The following MYT1 variants were observed in gnomAD, a reference collection of about 807,000 sequenced individuals.
MYT1 encodes the protein myelin transcription factor I.
Under a neutral mutation model 123.0 loss-of-function variants are expected in MYT1, and 23 were observed. That is an observed-to-expected ratio of 0.19 (90% CI 0.13 to 0.26). The LOEUF (loss-of-function observed/expected upper bound fraction) is 0.26, where lower values mean the gene tolerates loss of function less well. MYT1 is among the 10% of genes least tolerant of loss of function. MYT1 has a pLI of 1.00. For missense variants in MYT1, 1,125 were observed against 1,472.5 expected (o/e 0.76, Z 3.86); for synonymous variants, 518 against 575.3 (o/e 0.90, Z 1.43).
rs2427614 is a variant in MYT1 at position 64,202,899 on chromosome 20, C to T, written c.87-2136C>T. ...GGCTCGGGAGTCCTGGAGCCCTGGC[C>T]GTCTTCCTCTCCCTACAACTCTGGC... is the stretch of plus-strand genomic sequence containing the variant. On this transcript the variant is annotated intron_variant, in intron 4 of 22. Transcript: ENST00000328439. This position sits in a 1 kb window ranked among gnomAD's most constrained non-coding sequence, Gnocchi z 5.0. Among the ~76,000 whole-genome samples the T allele has an allele frequency of 0.017, 2,615 of 152,278 alleles. 79 individuals carry two copies. Among genetic ancestry groups the T allele is most frequent in the African/African-American group, 0.06 (2,502 of 41,558 alleles).
Position 64,208,596 on chromosome 20 carries a change from G to A in MYT1, c.1291+109G>A. On this transcript the variant is annotated intron_variant, in intron 7 of 22. Transcript: ENST00000328439. This position sits in a 1 kb window ranked among gnomAD's most constrained non-coding sequence, Gnocchi z 5.4. ...TAGGACAGGGGGCTGGGGGATGGCAGAAAAGCAGACAAAAGGACAAATACA... is the reference window on the plus strand; with the variant it reads ...TAGGACAGGGGGCTGGGGGATGGCAAAAAAGCAGACAAAAGGACAAATACA... 6.9e-7 allele frequency: 1 copy of A among 1,450,866 alleles called. No individual in the cohort carries two copies. Among genetic ancestry groups the A allele is most frequent in the Non-Finnish European group, 9.1e-7 (1 of 1,101,728 alleles). The allele number at this position is 1,450,866 out of a possible 1,614,324, so 89.9% of individuals were successfully genotyped here.
At chr20:64,171,701 T>C (rs1982289745) in intron 1 of MYT1, among the ~76,000 whole-genome samples, 6 of 137,426 alleles carry the variant, frequency 4.4e-5, no homozygotes, top group African/African-American at 1.7e-4. Flanking sequence ...ACCCCTAACC[T>C]CTGGCATCTG....
In MYT1 at chr20:64,178,963, C is replaced by G. The variant is rs1170472563; in HGVS notation, c.-98-11100C>G. ...TGGGATACCCTTCAACGTGGGAGCA[C>G]TGAGCCGTTATTCGGTGAGATACCC... On this transcript the variant is annotated intron_variant, in intron 1 of 22. Coordinates refer to ENST00000328439, the MANE Select transcript of MYT1 (RefSeq NM_004535.3). Among the ~76,000 whole-genome samples the G allele has an allele frequency of 2.1e-5, 3 of 139,708 alleles. No homozygotes were observed. The East Asian group carries it at 7.0e-4, about 32-fold the overall frequency. 91.7% of individuals were successfully genotyped at this position (139,708 alleles called of 152,430 possible).
chr20:64,204,123 A>G (rs531863904), intron 4 of MYT1, among the ~76,000 whole-genome samples: 4 of 152,260 alleles, frequency 2.6e-5, no homozygotes, highest in East Asian at 1.9e-4. Flanking sequence ...AGCCTGATAC[A>G]TGGTGAACTC....
rs1377756862 is a variant in MYT1 at position 64,193,877 on chromosome 20, C to T, written c.-1+3717C>T. ...CATTCTAATTCTCCAGATTTGCTGG[C>T]TGTCAGAACACATTTTAAATAAAAT... On this transcript the variant is annotated intron_variant, in intron 2 of 22. Coordinates refer to ENST00000328439, the MANE Select transcript of MYT1 (RefSeq NM_004535.3). The surrounding 1 kb of genome is among the most constrained non-coding windows in gnomAD (Gnocchi z 4.0). 6.6e-6 allele frequency among the ~76,000 whole-genome samples: 1 copy of T among 152,176 alleles called. No individual in the cohort carries two copies. Among genetic ancestry groups the T allele is most frequent in the Non-Finnish European group, 1.5e-5 (1 of 68,048 alleles).
At chr20:64,234,494 C>T (rs1459943181) in intron 19 of MYT1, among the ~76,000 whole-genome samples, 1 of 152,260 alleles carries the variant, frequency 6.6e-6, no homozygotes, top group Non-Finnish European at 1.5e-5. Flanking sequence ...GATGTAGCTT[C>T]TTTTTCCCCA....
chr20:64,187,043 C>T (rs554213400), intron 1 of MYT1, among the ~76,000 whole-genome samples: 154 of 147,540 alleles, frequency 1.0e-3, no homozygotes, highest in African/African-American at 3.7e-3. Flanking sequence ...CCCGTGGCCC[C>T]GGCATCCACG....
chr20:64,230,261 C>CCAG (rs1288893815), intron 18 of MYT1, among the ~76,000 whole-genome samples: 2 of 152,156 alleles, frequency 1.3e-5, no homozygotes, highest in African/African-American at 4.8e-5. Context: ...GCCTGTAATC[C>CCAG]CAGCACTTTA....
At chr20:64,173,542 CCTTTAG>C (rs1982357766) in intron 1 of MYT1, among the ~76,000 whole-genome samples, 2 of 37,492 alleles carry the variant, frequency 5.3e-5, no homozygotes, top group Non-Finnish European at 1.1e-4. Flanking sequence ...AGCATCCTTC[CCTTTAG>C]TTGTGTCCAT....
chr20:64,170,922 G>T lies in MYT1; in HGVS notation c.-99+6183G>T, dbSNP rs1569303881. Among the ~76,000 whole-genome samples the T allele has an allele frequency of 1.6e-4, 22 of 138,196 alleles. 1 individual carries two copies. Among genetic ancestry groups the T allele is most frequent in the African/African-American group, 5.8e-4 (21 of 36,224 alleles). 90.7% of individuals were successfully genotyped at this position (138,196 alleles called of 152,430 possible). ...AGAGAGAGAGAGAGAGAGAGAGAGAGAGAGAGAGAGAGACGGAGTCTTGCT... is the reference window on the plus strand; with the variant it reads ...AGAGAGAGAGAGAGAGAGAGAGAGATAGAGAGAGAGAGACGGAGTCTTGCT... On this transcript the variant is annotated intron_variant, in intron 1 of 22. Transcript: ENST00000328439.
At chr20:64,169,624 C>G (rs939671044) in intron 1 of MYT1, among the ~76,000 whole-genome samples, 27 of 152,088 alleles carry the variant, frequency 1.8e-4, no homozygotes, top group African/African-American at 5.6e-4. Context: ...GTCAGTCGCT[C>G]GTCAGCATGT....
chr20:64,198,032 TC>T (rs1369272120), intron 2 of MYT1, among the ~76,000 whole-genome samples: 1 of 152,068 alleles, frequency 6.6e-6, no homozygotes, highest in African/African-American at 2.4e-5. Context: ...ACGCCTGTAA[TC>T]CCAGCACTTT....
intron 10 of MYT1, among the ~76,000 whole-genome samples, chr20:64,215,298 A>T (rs1003044052): frequency 2.6e-5 from 4 of 152,174 alleles, no homozygotes; most frequent in Admixed American, 2.0e-4. Flanking sequence ...CACTTATAAA[A>T]GTAGGACAAC....
At position 64,219,053 on chromosome 20, in the gene MYT1, A is replaced by G. The variant is rs772068021; in HGVS notation, c.1971+18A>G. ...CCAGCAAGGTTAGTACATCTGCCAC[A>G]GAGCCTTTCTTGGGAGAGGTGAGTT... On this transcript the variant is annotated intron_variant, in intron 12 of 22. Transcript: ENST00000328439. The G allele has an allele frequency of 6.2e-7, 1 of 1,600,688 alleles. No homozygotes were observed.
chr20:64,219,305 G>A (rs970439135), intron 12 of MYT1, among the ~76,000 whole-genome samples: 4 of 152,216 alleles, frequency 2.6e-5, no homozygotes, highest in Admixed American at 2.0e-4. Flanking sequence ...CACACCATGC[G>A]CCCGCGTGTC....
At chr20:64,170,063 C>T (rs1982203809) in intron 1 of MYT1, among the ~76,000 whole-genome samples, 1 of 152,110 alleles carries the variant, frequency 6.6e-6, no homozygotes, top group South Asian at 2.1e-4. Flanking sequence ...TCCTCACAGC[C>T]TGGGACATAT....
rs1982782585 is a variant in MYT1 at position 64,185,773 on chromosome 20, G to A, written c.-98-4290G>A. On this transcript the variant is annotated intron_variant, in intron 1 of 22. Coordinates refer to ENST00000328439, the MANE Select transcript of MYT1 (RefSeq NM_004535.3). The surrounding 1 kb of genome is among the most constrained non-coding windows in gnomAD (Gnocchi z 4.5). ...GTGGCCACAGTGCCAGTGCAAGGAG[G>A]AAGTGTGTGCTGGCAGTGGGTCAGC... Among the ~76,000 whole-genome samples the A allele has an allele frequency of 6.6e-6, 1 of 152,246 alleles. No individual in the cohort carries two copies. The highest frequency in any genetic ancestry group is 2.4e-5 in the African/African-American group (1 of 41,462).
At position 64,217,230 on chromosome 20, in the gene MYT1, A is replaced by G. The variant is rs1177470767; in HGVS notation, c.1795A>G (p.Met599Val). The change falls in exon 11 of 23, where the codon ATG becomes GTG. Residue 599 changes from methionine (M) to valine (V), a missense_variant. Transcript: ENST00000328439. Reference sequence around the variant, plus strand: ...CGATGCTCAGGTTTTTGGCAAACGCATGCTTGCCCCAAAGATTCAGACCAG... The same window carrying G: ...CGATGCTCAGGTTTTTGGCAAACGCGTGCTTGCCCCAAAGATTCAGACCAG... Reference protein sequence around the residue: ...SFDAQVFGKRMLAPKIQTSET... With the variant: ...SFDAQVFGKRVLAPKIQTSET... 38 of 1,614,256 alleles carry G rather than the reference A, an allele frequency of 2.4e-5. No homozygotes were observed. The highest frequency in any genetic ancestry group is 3.0e-5 in the Non-Finnish European group (35 of 1,180,046).
intron 16 of MYT1, among the ~76,000 whole-genome samples, chr20:64,224,014 G>A (rs1033657198): frequency 2.0e-5 from 3 of 152,316 alleles, no homozygotes; most frequent in Non-Finnish European, 2.9e-5. Flanking sequence ...ACAACCAGGC[G>A]CAAGCACCCA....
Sources: allele counts gnomAD v4.1 joint callset (sites outside exome capture counted in the v4.1 genomes callset), GRCh38; gene constraint gnomAD v4.1.1; non-coding constraint Gnocchi (gnomAD v3.1); transcripts MANE v1.5; gene names NCBI Gene and HGNC (gene_info 2026-07-23, HGNC 2026-07-21).